TEAD4: variants seen among roughly 807,000 people sequenced by gnomAD.
The protein encoded by TEAD4 is TEA domain transcription factor 4, also known as transcriptional enhancer factor TEF-3.
TEAD4 carries 36 observed loss-of-function variants against 52.4 expected under a neutral mutation model. The observed-to-expected ratio is 0.69, with a 90% CI of 0.53 to 0.91. TEAD4 has a LOEUF of 0.91. TEAD4 is among the 40% of genes least tolerant of loss of function. TEAD4 has a pLI of 0.00. For missense variants in TEAD4, 508 were observed against 583.9 expected (o/e 0.87, Z 1.34); for synonymous variants, 220 against 231.0 (o/e 0.95, Z 0.43).
intron 2 of TEAD4, among the ~76,000 whole-genome samples, chr12:2,976,292 G>A (rs1296247172): frequency 2.6e-5 from 4 of 151,500 alleles, no homozygotes; most frequent in Admixed American, 6.6e-5. Context: ...GATTACAGGC[G>A]TGAACCTCCA....
chr12:3,012,322 G>A, intron 5 of TEAD4, 90 bp downstream of exon 5: 6 of 1,359,994 alleles, frequency 4.4e-6, no homozygotes, highest in Admixed American at 4.0e-5. Flanking sequence ...CACTGCTGGT[G>A]TGCAAGTCAG....
rs116261729 is a variant in TEAD4 at position 3,037,399 on chromosome 12, A to G, written c.898-569A>G. 3.4e-3 allele frequency among the ~76,000 whole-genome samples: 516 copies of G among 152,292 alleles called. 4 individuals carry two copies. The highest frequency in any genetic ancestry group is 0.012 in the African/African-American group (505 of 41,558). ...GGACCCAGCAGTGCCTAGAGGGGGAAGAGGCCAGCCCCAGAGCCGTTTCTG... is the reference window on the plus strand; with the variant it reads ...GGACCCAGCAGTGCCTAGAGGGGGAGGAGGCCAGCCCCAGAGCCGTTTCTG... On this transcript the variant is annotated intron_variant, in intron 10 of 12. Transcript: ENST00000359864.
In TEAD4 at chr12:3,028,640, CT is replaced by C. The variant is rs904061573; in HGVS notation, c.897+6633del. On this transcript the variant is annotated intron_variant, in intron 10 of 12. Coordinates refer to ENST00000359864, the MANE Select transcript of TEAD4 (RefSeq NM_003213.4). Reference sequence around the variant, plus strand: ...AATTCAGAAATTTAGGTCCATTGCCCTTTTTTTTTTGAGACAGTCTTTCTCT... The same window carrying C: ...AATTCAGAAATTTAGGTCCATTGCCCTTTTTTTTTGAGACAGTCTTTCTCT... 5.0e-4 allele frequency among the ~76,000 whole-genome samples: 74 copies of C among 148,748 alleles called. 1 individual carries two copies. Among genetic ancestry groups the C allele is most frequent in the African/African-American group, 1.5e-3 (61 of 40,626 alleles).
chr12:3,038,116 G>A lies in TEAD4; in HGVS notation c.1038+8G>A. The A allele has an allele frequency of 6.2e-7, 1 of 1,609,944 alleles. No homozygotes were observed. Among genetic ancestry groups the A allele is most frequent in the Non-Finnish European group, 8.5e-7 (1 of 1,177,176 alleles). ...GTGGTGGAGAAAGTTGAGGTAGGAG[G>A]CCACCCTGGCGGGTGAGGGCCGGTG... On this transcript the variant is annotated splice_region_variant and intron_variant, in intron 11 of 12. Transcript: ENST00000359864.
intron 2 of TEAD4, among the ~76,000 whole-genome samples, chr12:2,979,130 G>A (rs2098232194): frequency 6.6e-6 from 1 of 152,072 alleles, no homozygotes; most frequent in African/African-American, 2.4e-5. Context: ...TGGCCAGGCT[G>A]GTCTCGAGCT....
intron 2 of TEAD4, among the ~76,000 whole-genome samples, chr12:2,988,930 C>T (rs1426940825): frequency 4.6e-5 from 7 of 152,174 alleles, no homozygotes; most frequent in African/African-American, 7.2e-5. Context: ...CGTGCCTTGC[C>T]CTATGCGTCT....
In TEAD4 at chr12:3,020,539, C is replaced by T. The variant is rs1400693419; in HGVS notation, c.584-95C>T. The T allele has an allele frequency of 4.4e-6, 6 of 1,378,942 alleles. No individual in the cohort carries two copies. In the African/African-American group the frequency reaches 4.5e-5, roughly 10 times the overall value. 85.4% of individuals were successfully genotyped at this position (1,378,942 alleles called of 1,614,324 possible). On this transcript the variant is annotated intron_variant, in intron 8 of 12. Coordinates refer to ENST00000359864, the MANE Select transcript of TEAD4 (RefSeq NM_003213.4). ...AGACAGGCGGTCCCCCCAGGCAGCA[C>T]GGGTCTGTCCGAGGAGGCCTGGGGT...
chr12:3,034,452 G>A (rs1274769646), intron 10 of TEAD4, among the ~76,000 whole-genome samples: 1 of 152,090 alleles, frequency 6.6e-6, no homozygotes, highest in Non-Finnish European at 1.5e-5. Flanking sequence ...CTGGAAGGGG[G>A]CAAGGACATC....
intron 8 of TEAD4, among the ~76,000 whole-genome samples, chr12:3,020,152 A>G (rs568525982): frequency 1.3e-5 from 2 of 152,278 alleles, no homozygotes; most frequent in South Asian, 4.1e-4. Context: ...CGCTGGATTG[A>G]GGGGCTCTTC....
intron 3 of TEAD4, among the ~76,000 whole-genome samples, chr12:2,999,750 G>C (rs374786678): frequency 1.3e-5 from 2 of 150,920 alleles, no homozygotes; most frequent in Non-Finnish European, 2.9e-5. Context: ...CTAGCCTAGC[G>C]TGCAGGTGGT....
chr12:3,025,655 C>T (rs933888327), intron 10 of TEAD4, among the ~76,000 whole-genome samples: 5 of 151,910 alleles, frequency 3.3e-5, no homozygotes, highest in African/African-American at 1.2e-4. Context: ...TCATGCCTCA[C>T]CCTTGCAGGT....
chr12:2,978,358 G>C (rs1455641339), intron 2 of TEAD4, among the ~76,000 whole-genome samples: 3 of 149,118 alleles, frequency 2.0e-5, no homozygotes, highest in Non-Finnish European at 4.4e-5. Flanking sequence ...CGCTGTACCC[G>C]TTAAACAGTA....
chr12:3,018,498 CG>C, intron 6 of TEAD4, 46 bp from the exon 7 acceptor site: 1 of 1,613,280 alleles, frequency 6.2e-7, no homozygotes, highest in South Asian at 1.1e-5. Flanking sequence ...CACAGGGCCC[CG>C]GGTGCACCTG....
At chr12:3,030,564 A>T (rs2098274871) in intron 10 of TEAD4, among the ~76,000 whole-genome samples, 1 of 152,140 alleles carries the variant, frequency 6.6e-6, no homozygotes, top group African/African-American at 2.4e-5. Flanking sequence ...TTGAGTCTCC[A>T]AAGCTTGCCC....
chr12:2,993,113 G>T (rs771257088), intron 2 of TEAD4, among the ~76,000 whole-genome samples: 18 of 152,086 alleles, frequency 1.2e-4, no homozygotes, highest in South Asian at 2.1e-4. Context: ...TTTCATTGTG[G>T]TAAAAAAGAC....
intron 5 of TEAD4, among the ~76,000 whole-genome samples, chr12:3,013,217 G>C (rs1389006035): frequency 2.0e-5 from 3 of 150,980 alleles, no homozygotes; most frequent in African/African-American, 7.3e-5. Flanking sequence ...CTCTCAAAGT[G>C]CTGAAATTAT....
intron 2 of TEAD4, among the ~76,000 whole-genome samples, chr12:2,979,399 C>T (rs1288611029): frequency 6.6e-6 from 1 of 152,200 alleles, no homozygotes; most frequent in Non-Finnish European, 1.5e-5. Flanking sequence ...CTTGAGGCAG[C>T]AAAAGCACCT....
chr12:2,963,456 C>T (rs187520145), intron 2 of TEAD4, among the ~76,000 whole-genome samples: 268 of 152,212 alleles, frequency 1.8e-3, no homozygotes, highest in Non-Finnish European at 3.3e-3. Context: ...CGGGGTTGGA[C>T]GACAGCTCCC....
intron 2 of TEAD4, among the ~76,000 whole-genome samples, chr12:2,991,017 A>G (rs2098242548): frequency 6.6e-6 from 1 of 152,104 alleles, no homozygotes; most frequent in Non-Finnish European, 1.5e-5. Context: ...AGACCTCTGC[A>G]GTAAATACAT....
Sources: gnomAD v4.1 joint callset for allele counts (sites outside exome capture counted in the v4.1 genomes callset) on GRCh38, gnomAD v4.1.1 for gene constraint, MANE v1.5 for transcripts, NCBI Gene and HGNC (gene_info 2026-07-23, HGNC 2026-07-21) for gene names.